Variants in SVEP1 observed in about 807,000 individuals in gnomAD.
SVEP1 encodes the protein sushi, von Willebrand factor type A, EGF and pentraxin domain containing 1.
In SVEP1, 164 loss-of-function variants were observed where a neutral mutation model predicts 367.3. The ratio of observed to expected loss-of-function variants is 0.45; its 90% CI spans 0.39 to 0.51. SVEP1 has a LOEUF of 0.51. Among genes scored for constraint, SVEP1 ranks in the 20% least tolerant of loss-of-function variants. The probability of loss-of-function intolerance (pLI) is 0.00; values close to 1 mark genes in which losing one functional copy is unlikely to be tolerated. For missense variants in SVEP1, 4,117 were observed against 4,425.3 expected, an observed-to-expected ratio of 0.93 and a Z score of 1.98; for synonymous variants, 1,666 against 1,611.6, an observed-to-expected ratio of 1.03 and a Z score of -0.81.
intron 3 of SVEP1, among the ~76,000 whole-genome samples, chr9:110,525,599 T>A (rs1041333465): frequency 3.9e-5 from 6 of 152,066 alleles, no homozygotes; most frequent in African/African-American, 1.4e-4. Flanking sequence ...GCAAAGAAAT[T>A]AAAATTAGCT....
At chr9:110,551,490 C>T (rs1264363021) in intron 1 of SVEP1, among the ~76,000 whole-genome samples, 1 of 152,064 alleles carries the variant, frequency 6.6e-6, no homozygotes, top group Non-Finnish European at 1.5e-5. Flanking sequence ...AAGAGGTATT[C>T]AAACATTTCA....
At chr9:110,393,912 G>A (rs952906143) in intron 40 of SVEP1, among the ~76,000 whole-genome samples, 6 of 152,184 alleles carry the variant, frequency 3.9e-5, no homozygotes, top group Non-Finnish European at 5.9e-5. Context: ...GCCTGCCTCT[G>A]TAGGCTCCAC....
At position 110,443,650 on chromosome 9, in the gene SVEP1, G is replaced by T; in HGVS notation, c.4534C>A (p.His1512Asn). ...CPSVNDGRWHHIAITWTSANG... is the reference protein window; with the variant it reads ...CPSVNDGRWHNIAITWTSANG... ...GCACTTGTCCAAGTGATTGCAATAT[G>T]ATGCCATCTGCCATCATTCACCGAG... Residue 1512 changes from histidine (H) to asparagine (N), a missense_variant, in exon 27 of 48, where the codon CAT (histidine) becomes AAT (asparagine). His to Asn is a moderately conservative substitution (Grantham distance 68). Around this residue, in one of 4 missense-constraint regions of SVEP1, gnomAD observed 2,174 missense variants for 2,494.3 expected, o/e 0.87. Coordinates refer to ENST00000374469, the MANE Select transcript of SVEP1 (RefSeq NM_153366.4). The T allele has an allele frequency of 6.2e-7, 1 of 1,612,986 alleles. No homozygotes were observed. The highest frequency in any genetic ancestry group is 2.2e-5 in the East Asian group (1 of 44,832).
chr9:110,440,878 A>C (rs1352513003), intron 27 of SVEP1, among the ~76,000 whole-genome samples: 1 of 152,168 alleles, frequency 6.6e-6, no homozygotes, highest in African/African-American at 2.4e-5. Flanking sequence ...TCAATAAGCT[A>C]ATCTAAGTGG....
At chr9:110,505,909 G>T (rs1829619146) in intron 5 of SVEP1, among the ~76,000 whole-genome samples, 1 of 151,514 alleles carries the variant, frequency 6.6e-6, no homozygotes, top group Non-Finnish European at 1.5e-5. Context: ...ATGGTGGTTT[G>T]CTGTACCCAT....
rs1219833154 is a variant in SVEP1 at position 110,549,928 on chromosome 9, G to A, written c.708C>T (p.Ser236=). Residue 236 remains serine (S), a synonymous_variant, in exon 2 of 48, where the codon TCC becomes TCT. Coordinates refer to ENST00000374469, the MANE Select transcript of SVEP1 (RefSeq NM_153366.4). The part of the protein sequence containing the change: ...GNIRELNDMA[S]TPKEEHCYLL... Reference sequence around the variant, plus strand: ...GGTAACAGTGCTCCTCCTTTGGGGTGGAAGCCATGTCATTCAGCTCTCGAA... The same window carrying A: ...GGTAACAGTGCTCCTCCTTTGGGGTAGAAGCCATGTCATTCAGCTCTCGAA... The A allele has an allele frequency of 3.1e-6, 5 of 1,613,852 alleles. No individual in the cohort carries two copies. Among genetic ancestry groups the A allele is most frequent in the African/African-American group, 2.7e-5 (2 of 74,924 alleles).
At chr9:110,510,769 T>TTCCCA (rs1289834126) in intron 5 of SVEP1, among the ~76,000 whole-genome samples, 2 of 152,248 alleles carry the variant, frequency 1.3e-5, no homozygotes, top group Non-Finnish European at 2.9e-5. Flanking sequence ...TCCCATCCTC[T>TTCCCA]ACCGTAAGGT....
intron 47 of SVEP1, 144 bp downstream of exon 47, chr9:110,369,777 TAG>T: frequency 1.5e-6 from 1 of 652,830 alleles, no homozygotes; most frequent in Non-Finnish European, 2.6e-6. Context: ...AATTCAAATT[TAG>T]AGAGCCTGTC....
intron 18 of SVEP1, among the ~76,000 whole-genome samples, chr9:110,462,855 C>T (rs1020980554): frequency 7.9e-5 from 12 of 151,874 alleles, no homozygotes; most frequent in Non-Finnish European, 1.3e-4. Context: ...TTAAGGGCAA[C>T]ACATATAGAC....
At chr9:110,446,116 TC>T (rs1387218078) in intron 25 of SVEP1, 78 bp from the exon 26 acceptor site, 16 of 1,278,906 alleles carry the variant, frequency 1.3e-5, no homozygotes, top group Non-Finnish European at 1.7e-5. Flanking sequence ...AGTGCTATTG[TC>T]AAAGAAGCTC....
rs377345405 is a variant in SVEP1 at position 110,472,444 on chromosome 9, AC to A, written c.2600-122del. The A allele has an allele frequency of 2.1e-5, 19 of 910,032 alleles. No individual in the cohort carries two copies. In the African/African-American group the frequency reaches 2.9e-4, roughly 14 times the overall value. 56.4% of individuals were successfully genotyped at this position (910,032 alleles called of 1,614,324 possible). On this transcript the variant is annotated intron_variant, in intron 14 of 47. Transcript: ENST00000374469. ...CCATTTCCTCAAATGCCCATAACAT[AC>A]TGCATACAGGGTTTGGTCTACAATG...
intron 14 of SVEP1, among the ~76,000 whole-genome samples, chr9:110,473,574 C>T (rs138562628): frequency 8.7e-4 from 132 of 152,216 alleles, no homozygotes; most frequent in Non-Finnish European, 1.6e-3. Flanking sequence ...TGTGAAATGG[C>T]CACATAATAC....
At chr9:110,542,497 C>T (rs1265448265) in intron 3 of SVEP1, among the ~76,000 whole-genome samples, 1 of 152,152 alleles carries the variant, frequency 6.6e-6, no homozygotes, top group East Asian at 1.9e-4. Flanking sequence ...AAACAGCTAT[C>T]GTCTAGTCAT....
At chr9:110,576,498 C>T (rs1330748758) in intron 1 of SVEP1, among the ~76,000 whole-genome samples, 8 of 151,758 alleles carry the variant, frequency 5.3e-5, no homozygotes, top group Admixed American at 1.3e-4. Flanking sequence ...CAAACTATGA[C>T]GGTATATTTT....
At chr9:110,436,192 G>C (rs770130468) in intron 28 of SVEP1, among the ~76,000 whole-genome samples, 188 bp downstream of exon 28, 2 of 151,622 alleles carry the variant, frequency 1.3e-5, no homozygotes, top group African/African-American at 2.4e-5. Context: ...AACTAAAAAG[G>C]GTGTTCACTG....
chr9:110,466,147 G>T, intron 17 of SVEP1, 121 bp from the exon 18 acceptor site: 1 of 1,046,314 alleles, frequency 9.6e-7, no homozygotes, highest in Non-Finnish European at 1.3e-6. Flanking sequence ...GAGGGACCCA[G>T]AGAGCTCTTT....
At chr9:110,550,157 G>A (rs1180689387) in intron 1 of SVEP1, 53 bp from the exon 2 acceptor site, 2 of 1,599,036 alleles carry the variant, frequency 1.3e-6, no homozygotes, top group Non-Finnish European at 1.7e-6. Flanking sequence ...TGCCTACTGT[G>A]TGCTTCTCTT....
intron 3 of SVEP1, among the ~76,000 whole-genome samples, chr9:110,533,958 A>G (rs965030761): frequency 6.6e-6 from 1 of 152,184 alleles, no homozygotes; most frequent in African/African-American, 2.4e-5. Context: ...AGTGCTATGG[A>G]TGAATTGCAA....
intron 40 of SVEP1, among the ~76,000 whole-genome samples, chr9:110,393,297 A>AGGTATAT (rs1827696484): frequency 6.6e-6 from 1 of 152,234 alleles, no homozygotes; most frequent in Admixed American, 6.5e-5. Context: ...GATATATATA[A>AGGTATAT]GCCTGGTCCC....
Sources: allele counts gnomAD v4.1 joint callset (sites outside exome capture counted in the v4.1 genomes callset), GRCh38; gene constraint gnomAD v4.1.1; regional missense constraint gnomAD v4.1.1; transcripts MANE v1.5; gene names NCBI Gene and HGNC (gene_info 2026-07-23, HGNC 2026-07-21).